The following MAST2 variants were observed in gnomAD, a reference collection of about 807,000 sequenced individuals.
MAST2 encodes the protein microtubule associated serine/threonine kinase 2, also known as microtubule-associated serine/threonine-protein kinase 2.
Under a neutral mutation model 147.4 loss-of-function variants are expected in MAST2, and 70 were observed. That is an observed-to-expected ratio of 0.47 (90% CI 0.39 to 0.58). MAST2 has a LOEUF of 0.58. Among genes scored for constraint, MAST2 ranks in the 20% least tolerant of loss-of-function variants. The probability of loss-of-function intolerance (pLI) is 0.00; values close to 1 mark genes in which losing one functional copy is unlikely to be tolerated. For missense variants in MAST2, 2,080 were observed against 2,302.3 expected (o/e 0.90, Z 1.98); for synonymous variants, 869 against 896.8 (o/e 0.97, Z 0.55).
chr1:45,882,443 A>AC, intron 4 of MAST2, 48 bp downstream of exon 4: 1 of 1,430,136 alleles, frequency 7.0e-7, no homozygotes, highest in Non-Finnish European at 9.8e-7. Context: ...CTACTTAGGA[A>AC]CCCCTCTTGG....
chr1:45,844,292 T>A (rs922112721), intron 3 of MAST2, among the ~76,000 whole-genome samples: 3 of 151,926 alleles, frequency 2.0e-5, no homozygotes, highest in Non-Finnish European at 2.9e-5. Context: ...ATTTTTAAAC[T>A]TTTATTTATT....
chr1:46,024,089 T>C, intron 15 of MAST2, 109 bp downstream of exon 15: 1 of 1,054,712 alleles, frequency 9.5e-7, no homozygotes, highest in East Asian at 2.5e-5. Context: ...GGCCCAGCTT[T>C]CCAGTCCACC....
At chr1:45,932,698 A>C (rs1655508028) in intron 4 of MAST2, among the ~76,000 whole-genome samples, 1 of 152,096 alleles carries the variant, frequency 6.6e-6, no homozygotes, top group Non-Finnish European at 1.5e-5. Flanking sequence ...CCACTCCAAA[A>C]AAAATTTAGT....
intron 3 of MAST2, among the ~76,000 whole-genome samples, chr1:45,874,535 T>C (rs1050580205): frequency 6.6e-6 from 1 of 152,176 alleles, no homozygotes; most frequent in African/African-American, 2.4e-5. Context: ...TTATTGCAAT[T>C]GATAGTTTTC....
At chr1:45,870,844 G>A (rs969538115) in intron 3 of MAST2, among the ~76,000 whole-genome samples, 6 of 151,890 alleles carry the variant, frequency 4.0e-5, no homozygotes, top group Non-Finnish European at 8.8e-5. Flanking sequence ...TGGGAGGATC[G>A]TTTGAGCCTA....
intron 1 of MAST2, among the ~76,000 whole-genome samples, chr1:45,813,579 A>G (rs1313652246): frequency 6.6e-6 from 1 of 150,592 alleles, no homozygotes. Context: ...GCTCACTGCA[A>G]CCTCTGCCTT....
chr1:45,898,068 C>T (rs1015411376), intron 4 of MAST2, among the ~76,000 whole-genome samples: 10 of 151,988 alleles, frequency 6.6e-5, no homozygotes, highest in African/African-American at 1.7e-4. Context: ...GAGATGGCTC[C>T]GCTGTACTCC....
At chr1:45,823,335 CTCTTTTT>C (rs1296734548) in intron 1 of MAST2, among the ~76,000 whole-genome samples, 1 of 84,742 alleles carries the variant, frequency 1.2e-5, no homozygotes, top group Admixed American at 1.6e-4. Context: ...GTCAGTTATT[CTCTTTTT>C]TTTTTTTTTT....
At chr1:46,001,493 T>C (rs1645272456) in intron 6 of MAST2, among the ~76,000 whole-genome samples, 1 of 152,234 alleles carries the variant, frequency 6.6e-6, no homozygotes, top group Non-Finnish European at 1.5e-5. Flanking sequence ...AGCTATTTCC[T>C]GGAACCGACT....
At chr1:45,949,051 G>A (rs1658535238) in intron 4 of MAST2, among the ~76,000 whole-genome samples, 1 of 151,842 alleles carries the variant, frequency 6.6e-6, no homozygotes, top group Non-Finnish European at 1.5e-5. Context: ...AAGCTACATA[G>A]TACCCCTCCT....
chr1:46,035,662 C>G lies in MAST2; in HGVS notation c.4993C>G (p.Pro1665Ala). 6.2e-7 allele frequency: 1 copy of G among 1,613,906 alleles called. No homozygotes were observed. Among genetic ancestry groups the G allele is most frequent in the Non-Finnish European group, 8.5e-7 (1 of 1,179,998 alleles). The change falls in exon 29 of 29, where the codon CCA becomes GCA. Residue 1665 changes from proline (P) to alanine (A), a missense_variant. Pro to Ala is a conservative substitution (Grantham distance 27). Transcript: ENST00000361297. This position sits in a 1 kb window ranked among gnomAD's most constrained non-coding sequence, Gnocchi z 5.5. ...GTCCTGGAAATCCCTTATTGAGGGC[C>G]CAGACAGGGCATCCCCAAGCAGAAA... is the stretch of plus-strand genomic sequence containing the variant. ...MWSWKSLIEG[P>A]DRASPSRKAT... is the part of the protein sequence containing the mutation.
intron 1 of MAST2, among the ~76,000 whole-genome samples, chr1:45,818,902 CA>C (rs1644536129): frequency 6.6e-6 from 1 of 151,962 alleles, no homozygotes; most frequent in East Asian, 1.9e-4. Context: ...AGTCTCTAGC[CA>C]AAAAACATAA....
At chr1:46,017,709 T>C (rs1485841511) in intron 10 of MAST2, among the ~76,000 whole-genome samples, 9 of 151,754 alleles carry the variant, frequency 5.9e-5, no homozygotes, top group East Asian at 3.9e-4. Flanking sequence ...AACACTTTTA[T>C]ACTGTTGGTG....
chr1:45,934,504 CA>C (rs1256354637), intron 4 of MAST2, among the ~76,000 whole-genome samples: 1 of 152,024 alleles, frequency 6.6e-6, no homozygotes, highest in Non-Finnish European at 1.5e-5. Flanking sequence ...CAGCTCACTG[CA>C]ACCCCTGCCT....
intron 4 of MAST2, chr1:45,913,507 C>G (rs1317232415): frequency 1.2e-6 from 1 of 826,662 alleles, no homozygotes; most frequent in Non-Finnish European, 1.5e-6. Context: ...TTGTCACTGA[C>G]GCAGGAACAA....
intron 5 of MAST2, among the ~76,000 whole-genome samples, chr1:45,970,741 C>T (rs1294877952): frequency 2.0e-5 from 3 of 147,682 alleles, no homozygotes; most frequent in Non-Finnish European, 3.0e-5. Flanking sequence ...TCTGTCTGTC[C>T]AGTTTTGGGG....
At chr1:45,966,342 G>C (rs1322301475) in intron 5 of MAST2, among the ~76,000 whole-genome samples, 1 of 151,894 alleles carries the variant, frequency 6.6e-6, no homozygotes, top group Non-Finnish European at 1.5e-5. Flanking sequence ...AGGTTTTTGG[G>C]TAGACGTTAA....
intron 5 of MAST2, among the ~76,000 whole-genome samples, chr1:45,994,497 G>C (rs1445301108): frequency 6.6e-6 from 1 of 151,892 alleles, no homozygotes; most frequent in Non-Finnish European, 1.5e-5. Context: ...ACGTTGGCCA[G>C]GCTGGCCTTG....
At chr1:45,886,411 ACAT>A (rs1442950485) in intron 4 of MAST2, among the ~76,000 whole-genome samples, 2 of 151,874 alleles carry the variant, frequency 1.3e-5, no homozygotes, top group African/African-American at 2.4e-5. Context: ...CAAAATGCAA[ACAT>A]CATCTATGCC....
Sources: gnomAD v4.1 joint callset for allele counts (sites outside exome capture counted in the v4.1 genomes callset) on GRCh38, gnomAD v4.1.1 for gene constraint, Gnocchi (gnomAD v3.1) non-coding constraint, MANE v1.5 for transcripts, NCBI Gene and HGNC (gene_info 2026-07-23, HGNC 2026-07-21) for gene names.